The following CHMP6 variants were observed in gnomAD, a reference collection of about 807,000 sequenced individuals.
CHMP6 encodes the protein charged multivesicular body protein 6.
CHMP6 carries 10 observed loss-of-function variants against 32.8 expected under a neutral mutation model. The ratio of observed to expected loss-of-function variants is 0.30; its 90% CI spans 0.19 to 0.52. CHMP6 has a LOEUF of 0.52. CHMP6 is among the 20% of genes least tolerant of loss of function. The probability of loss-of-function intolerance (pLI) is 0.97; values close to 1 mark genes in which losing one functional copy is unlikely to be tolerated. For missense variants in CHMP6, 269 were observed against 263.8 expected (o/e 1.02, Z -0.14); for synonymous variants, 123 against 105.8 (o/e 1.16, Z -1.00).
At position 80,999,517 on chromosome 17, in the gene CHMP6, C is replaced by T. The variant is rs1198067186; in HGVS notation, c.*364C>T. 4.4e-6 allele frequency: 1 copy of T among 226,708 alleles called. No individual in the cohort carries two copies. Among genetic ancestry groups the T allele is most frequent in the South Asian group, 7.1e-5 (1 of 14,164 alleles). 14.0% of individuals were successfully genotyped at this position (226,708 alleles called of 1,614,324 possible). On this transcript the variant is annotated 3_prime_UTR_variant, in exon 8 of 8. Coordinates refer to ENST00000325167, the MANE Select transcript of CHMP6 (RefSeq NM_024591.5). ...CGTCTGTGAGGAAGACACCTCCAGACCTTGGGGTCCCCGCGCTTCCTCTTG... is the reference window on the plus strand; with the variant it reads ...CGTCTGTGAGGAAGACACCTCCAGATCTTGGGGTCCCCGCGCTTCCTCTTG...
chr17:80,998,689 A>C, intron 7 of CHMP6: 1 of 1,384,302 alleles, frequency 7.2e-7, no homozygotes, highest in Non-Finnish European at 9.4e-7. Context: ...CTTCTTTAGC[A>C]GCACCAGCTC....
In CHMP6 at chr17:80,996,788, A is replaced by G. The variant is rs78806459; in HGVS notation, c.349-219A>G. 8.8e-3 allele frequency among the ~76,000 whole-genome samples: 1,333 copies of G among 152,334 alleles called. 21 individuals carry two copies. Among genetic ancestry groups the G allele is most frequent in the African/African-American group, 0.03 (1,268 of 41,576 alleles). ...ACACATGTCCTGGCCTCATTTAAAC[A>G]GGGACAGGAGCTGGGTGTGGTGGCA... On this transcript the variant is annotated intron_variant, in intron 4 of 7. Coordinates refer to ENST00000325167, the MANE Select transcript of CHMP6 (RefSeq NM_024591.5).
chr17:80,998,559 G>A (rs761274974), intron 7 of CHMP6, 139 bp downstream of exon 7: 77 of 1,539,148 alleles, frequency 5.0e-5, no homozygotes, highest in South Asian at 3.0e-4. Flanking sequence ...GCTTGGGGGC[G>A]TGCGTGCCTG....
chr17:80,993,619 CG>C (rs2069612343), intron 1 of CHMP6, among the ~76,000 whole-genome samples: 1 of 152,228 alleles, frequency 6.6e-6, no homozygotes, highest in South Asian at 2.1e-4. Flanking sequence ...TGTGCCTGCA[CG>C]GGCTCAGCAT....
chr17:80,992,706 T>C (rs1236831595), intron 1 of CHMP6, among the ~76,000 whole-genome samples: 2 of 152,138 alleles, frequency 1.3e-5, no homozygotes, highest in South Asian at 4.1e-4. Flanking sequence ...TTTTCCCATG[T>C]GAAAGTTAGC....
At chr17:80,994,137 A>G (rs1329774456) in intron 1 of CHMP6, among the ~76,000 whole-genome samples, 1 of 152,122 alleles carries the variant, frequency 6.6e-6, no homozygotes, top group African/African-American at 2.4e-5. Flanking sequence ...GATGGTCTCG[A>G]TCTCCTGACC....
Position 80,998,250 on chromosome 17 carries a change from G to A in CHMP6, c.496-116G>A, listed in dbSNP as rs1268338282. The A allele has an allele frequency of 2.8e-5, 35 of 1,237,602 alleles. No homozygotes were observed. In the Admixed American group the frequency reaches 3.9e-4, roughly 14 times the overall value. 76.7% of individuals were successfully genotyped at this position (1,237,602 alleles called of 1,614,324 possible). On this transcript the variant is annotated intron_variant, in intron 6 of 7. Coordinates refer to ENST00000325167, the MANE Select transcript of CHMP6 (RefSeq NM_024591.5). ...TCTTCTGAGCAGCACGTTCCTGTCCGCTTTAACTCCGGCTGAGAGCGGCTG... is the reference window on the plus strand; with the variant it reads ...TCTTCTGAGCAGCACGTTCCTGTCCACTTTAACTCCGGCTGAGAGCGGCTG...
At chr17:80,994,720 C>T (rs1254696164) in intron 2 of CHMP6, 30 bp downstream of exon 2, 2 of 1,462,676 alleles carry the variant, frequency 1.4e-6, no homozygotes, top group African/African-American at 2.9e-5. Context: ...CGTGGGCACC[C>T]TGTCGGCTGG....
At chr17:80,995,970 C>T (rs973931139) in intron 4 of CHMP6, among the ~76,000 whole-genome samples, 5 of 151,844 alleles carry the variant, frequency 3.3e-5, no homozygotes, top group African/African-American at 9.7e-5. Context: ...CCCCAGGCGC[C>T]GAAGTGACAT....
chr17:80,992,507 C>G (rs2069601765), intron 1 of CHMP6, among the ~76,000 whole-genome samples: 1 of 152,226 alleles, frequency 6.6e-6, no homozygotes, highest in Non-Finnish European at 1.5e-5. Flanking sequence ...CCCATCCAGG[C>G]CAGGACTGGA....
rs553666964 is a variant in CHMP6, at chr17:80,995,892, G to T, written c.348+134G>T. On this transcript the variant is annotated intron_variant, in intron 4 of 7. Coordinates refer to ENST00000325167, the MANE Select transcript of CHMP6 (RefSeq NM_024591.5). ...AGAGGCTGGCAGGGGAGATGTGTTGGGTGCTGCCAGGCAGGCAGGGATGCA... is the reference window on the plus strand; with the variant it reads ...AGAGGCTGGCAGGGGAGATGTGTTGTGTGCTGCCAGGCAGGCAGGGATGCA... 101 of 729,376 alleles carry T rather than the reference G, an allele frequency of 1.4e-4. No individual in the cohort carries two copies. In the African/African-American group the frequency reaches 1.7e-3, roughly 12 times the overall value. 45.2% of individuals were successfully genotyped at this position (729,376 alleles called of 1,614,324 possible).
Position 80,994,618 on chromosome 17 carries a change from A to G in CHMP6, c.101A>G (p.Gln34Arg). 5 of 1,586,372 alleles carry G rather than the reference A, an allele frequency of 3.2e-6. No homozygotes were observed. Among genetic ancestry groups the G allele is most frequent in the South Asian group, 1.2e-5 (1 of 86,652 alleles). Residue 34 changes from glutamine to arginine, a missense_variant, in exon 2 of 8, where the codon CAG becomes CGG. Gln to Arg is a conservative substitution (Grantham distance 43). Transcript: ENST00000325167. ...KQQRDKLRQY[Q>R]KRIAQQLERE... ...CAGCGGGACAAGCTGAGGCAGTACC[A>G]GAAGAGGATCGCCCAGCAGCTGGAG...
At position 80,991,870 on chromosome 17, in the gene CHMP6, GC is replaced by G; in HGVS notation, c.-48del. 1 of 1,342,560 alleles carries G rather than the reference GC, an allele frequency of 7.4e-7. No individual in the cohort carries two copies. The allele number at this position is 1,342,560 out of a possible 1,614,324, so 83.2% of individuals were successfully genotyped here. A position where few individuals can be genotyped will look rare whatever the true frequency, so the allele number is the denominator to read the frequency against. ...CCCGAGCTACGGTGGCCGCGGGGCGGCGGTGGCGATTGGACTTGGTGGGTCC... is the reference window on the plus strand; with the variant it reads ...CCCGAGCTACGGTGGCCGCGGGGCGGGGTGGCGATTGGACTTGGTGGGTCC... On this transcript the variant is annotated 5_prime_UTR_variant, in exon 1 of 8. Transcript: ENST00000325167.
chr17:80,997,470 G>A (rs2069649086), intron 6 of CHMP6, 129 bp downstream of exon 6: 2 of 535,436 alleles, frequency 3.7e-6, no homozygotes, highest in East Asian at 4.9e-5. Flanking sequence ...TGCGGTTTGT[G>A]ACTGGTTTTC....
At position 80,999,601 on chromosome 17, in the gene CHMP6, T is replaced by TGGCTTCCCGGCGCACCTC. The variant is rs1277095907; in HGVS notation, c.*449_*466dup. On this transcript the variant is annotated 3_prime_UTR_variant, in exon 8 of 8. Coordinates refer to ENST00000325167, the MANE Select transcript of CHMP6 (RefSeq NM_024591.5). ...CCGTTAAGGGGTCCCTCCCTTGGCCTGGCTTCCCGGCGCACCTCAGCTTCC... is the reference window on the plus strand; with the variant it reads ...CCGTTAAGGGGTCCCTCCCTTGGCCTGGCTTCCCGGCGCACCTCGGCTTCCCGGCGCACCTCAGCTTCC... The TGGCTTCCCGGCGCACCTC allele has an allele frequency of 9.0e-4, 145 of 160,670 alleles. 1 individual carries two copies. The highest frequency in any genetic ancestry group is 3.3e-3 in the African/African-American group (137 of 41,758). The allele number at this position is 160,670 out of a possible 1,614,324, so 10.0% of individuals were successfully genotyped here.
At chr17:80,998,736 G>A in intron 7 of CHMP6, 1 of 1,297,282 alleles carries the variant, frequency 7.7e-7, no homozygotes, top group Non-Finnish European at 1.0e-6. Flanking sequence ...CCCTCAGCCA[G>A]GGATGGCTCT....
chr17:80,994,778 G>A (rs71370212), intron 2 of CHMP6, 88 bp downstream of exon 2: 112,006 of 293,780 alleles, frequency 0.38, 18,743 homozygotes, highest in East Asian at 0.43. Flanking sequence ...GGGGTGGGGG[G>A]CCCGGGCAGC....
At position 80,999,258 on chromosome 17, in the gene CHMP6, G is replaced by A. The variant is rs981843545; in HGVS notation, c.*105G>A. 47 of 1,317,650 alleles carry A rather than the reference G, an allele frequency of 3.6e-5. No individual in the cohort carries two copies. Among genetic ancestry groups the A allele is most frequent in the Non-Finnish European group, 4.6e-5 (42 of 920,566 alleles). 81.6% of individuals were successfully genotyped at this position (1,317,650 alleles called of 1,614,324 possible). ...GACCGGGTTCCCTGGAGCCCAGTGC[G>A]CACGGTGCTGAGCAGAGCTGCAGCC... On this transcript the variant is annotated 3_prime_UTR_variant, in exon 8 of 8. Coordinates refer to ENST00000325167, the MANE Select transcript of CHMP6 (RefSeq NM_024591.5).
At chr17:80,995,803 T>C (rs371311162) in intron 4 of CHMP6, 45 bp downstream of exon 4, 6 of 1,572,292 alleles carry the variant, frequency 3.8e-6, no homozygotes, top group Middle Eastern at 1.7e-4. Flanking sequence ...GGGGAGCCCA[T>C]TGGGCTGGAG....
Sources: gnomAD v4.1 joint callset for allele counts (sites outside exome capture counted in the v4.1 genomes callset) on GRCh38, gnomAD v4.1.1 for gene constraint, MANE v1.5 for transcripts, NCBI Gene and HGNC (gene_info 2026-07-23, HGNC 2026-07-21) for gene names.